Variants in MYO16 observed in about 807,000 individuals in gnomAD.
MYO16 encodes the protein unconventional myosin-XVI.
In MYO16, 94 loss-of-function variants were observed where a neutral mutation model predicts 205.3. That is an observed-to-expected ratio of 0.46 (90% confidence interval 0.39 to 0.54). The LOEUF (loss-of-function observed/expected upper bound fraction) is 0.54. Ranked by LOEUF, MYO16 falls within the 20% of genes least tolerant of loss-of-function variation. The probability of loss-of-function intolerance (pLI) is 0.00; values close to 1 mark genes in which losing one functional copy is unlikely to be tolerated. For missense variants in MYO16, 2,315 were observed against 2,387.5 expected (o/e 0.97, Z 0.63); for synonymous variants, 988 against 954.0 (o/e 1.04, Z -0.66).
intron 1 of MYO16, among the ~76,000 whole-genome samples, chr13:108,635,955 T>C (rs955399808): frequency 1.3e-5 from 2 of 152,016 alleles, no homozygotes; most frequent in Non-Finnish European, 2.9e-5. Context: ...ATTAGTTTTC[T>C]ACATCTTAAT....
the MYO16 span, among the ~76,000 whole-genome samples, chr13:108,565,312 A>G: frequency 1.3e-5 from 2 of 152,188 alleles, no homozygotes; most frequent in Non-Finnish European, 2.9e-5. Context: ...CAATCCATGA[A>G]CATGGAATAT....
intron 12 of MYO16, among the ~76,000 whole-genome samples, chr13:108,871,720 G>A (rs191321943): frequency 5.5e-4 from 84 of 152,244 alleles, no homozygotes; most frequent in South Asian, 2.9e-3. Context: ...CTGAGTGTGA[G>A]ACACTTAGGG....
chr13:108,767,657 T>C (rs1172003825), intron 4 of MYO16, among the ~76,000 whole-genome samples: 1 of 152,170 alleles, frequency 6.6e-6, no homozygotes, highest in African/African-American at 2.4e-5. Flanking sequence ...ACATTGATGG[T>C]AAGAGTGAAG....
intron 9 of MYO16, among the ~76,000 whole-genome samples, chr13:108,835,449 G>A (rs763970677): frequency 4.6e-5 from 7 of 152,128 alleles, no homozygotes; most frequent in African/African-American, 9.7e-5. Context: ...TCTCAGGTAC[G>A]TCCTTATAGC....
chr13:109,081,760 G>A (rs1044059110), intron 27 of MYO16, among the ~76,000 whole-genome samples: 2 of 152,128 alleles, frequency 1.3e-5, no homozygotes, highest in African/African-American at 2.4e-5. Flanking sequence ...TGGAAAAGAC[G>A]AGAAAATGAG....
intron 11 of MYO16, among the ~76,000 whole-genome samples, chr13:108,856,261 T>C (rs992832562): frequency 3.9e-5 from 6 of 152,202 alleles, no homozygotes; most frequent in African/African-American, 1.2e-4. Context: ...AGTAATTCAA[T>C]CAGAATGTCT....
intron 3 of MYO16, among the ~76,000 whole-genome samples, chr13:108,720,871 T>C (rs1273174953): frequency 6.6e-6 from 1 of 152,210 alleles, no homozygotes; most frequent in African/African-American, 2.4e-5. Context: ...TGATGTGTGA[T>C]TTGTAAATAT....
chr13:108,567,023 A>G, the MYO16 span, among the ~76,000 whole-genome samples: 45 of 152,328 alleles, frequency 3.0e-4, 1 homozygote, highest in African/African-American at 9.9e-4. Context: ...ATGTCAAAAG[A>G]TTGAATATAA....
At chr13:108,622,905 C>T (rs1348704781) in intron 1 of MYO16, among the ~76,000 whole-genome samples, 2 of 152,042 alleles carry the variant, frequency 1.3e-5, no homozygotes, top group Non-Finnish European at 2.9e-5. Flanking sequence ...GGAATTGTAA[C>T]ACAGGAGAGG....
At chr13:108,944,204 T>C (rs1882847347) in intron 16 of MYO16, among the ~76,000 whole-genome samples, 1 of 149,556 alleles carries the variant, frequency 6.7e-6, no homozygotes, top group African/African-American at 2.5e-5. Context: ...TTCTGGGAGA[T>C]AAAAAAAAAA....
chr13:109,116,578 C>A (rs277855), intron 28 of MYO16, among the ~76,000 whole-genome samples: 30,341 of 152,156 alleles, frequency 0.2, 3,710 homozygotes, highest in East Asian at 0.58. Context: ...CAAGAACTTC[C>A]TGAAGTATCT....
intron 13 of MYO16, 124 bp from the exon 14 acceptor site, chr13:108,888,248 G>T: frequency 1.6e-6 from 1 of 613,330 alleles, no homozygotes; most frequent in Non-Finnish European, 2.8e-6. Context: ...TCATTTCTGT[G>T]TCTGAGAAAT....
intron 23 of MYO16, among the ~76,000 whole-genome samples, chr13:109,039,736 G>A (rs931929230): frequency 1.2e-4 from 19 of 152,178 alleles, no homozygotes; most frequent in African/African-American, 1.9e-4. Flanking sequence ...AAATGCGTAC[G>A]TTAGAAAATA....
chr13:109,165,054 C>T lies in MYO16; in HGVS notation c.5318C>T (p.Ser1773Leu). 3 of 1,592,326 alleles carry T rather than the reference C, an allele frequency of 1.9e-6. No individual in the cohort carries two copies. Among genetic ancestry groups the T allele is most frequent in the Non-Finnish European group, 8.5e-7 (1 of 1,171,536 alleles). ...AITAENGNSI[S>L]NGLPEEDGYS... ...ACTGCTGAAAATGGAAATTCCATCT[C>T]AAATGGTAAGCACTTTTTAAACTCA... Residue 1773 changes from serine (S) to leucine (L), a missense_variant, in exon 33 of 35, where the codon TCA becomes TTA. Physicochemically the swap from Ser to Leu is moderately radical, Grantham distance 145 (BLOSUM62 -2). Around this residue, in one of 3 missense-constraint regions of MYO16, gnomAD observed 1,097 missense variants for 1,092.0 expected, o/e 1.00. Coordinates refer to ENST00000457511, the MANE Select transcript of MYO16 (RefSeq NM_001198950.3).
intron 21 of MYO16, among the ~76,000 whole-genome samples, chr13:109,005,386 G>C (rs1262003192): frequency 6.6e-6 from 1 of 152,122 alleles, no homozygotes; most frequent in Non-Finnish European, 1.5e-5. Flanking sequence ...TGGTAGTCAT[G>C]GAGCACCATT....
intron 2 of MYO16, among the ~76,000 whole-genome samples, chr13:108,705,292 C>G (rs1883466678): frequency 6.6e-6 from 1 of 152,168 alleles, no homozygotes; most frequent in Non-Finnish European, 1.5e-5. Flanking sequence ...TTGACATCAT[C>G]ATGGCTCAGT....
upstream of MYO16, among the ~76,000 whole-genome samples, chr13:108,626,671 G>T (rs1181235128): frequency 1.3e-5 from 2 of 151,860 alleles, no homozygotes; most frequent in Non-Finnish European, 2.9e-5. Flanking sequence ...GGGCATGGTA[G>T]TGGGTGCCTG....
At chr13:109,175,762 T>G (rs1372983772) in intron 33 of MYO16, among the ~76,000 whole-genome samples, 1 of 151,380 alleles carries the variant, frequency 6.6e-6, no homozygotes, top group Non-Finnish European at 1.5e-5. Flanking sequence ...TCAGACAGAA[T>G]TCCACCTTTT....
intron 27 of MYO16, among the ~76,000 whole-genome samples, chr13:109,095,268 G>T (rs543503772): frequency 6.6e-6 from 1 of 152,330 alleles, no homozygotes; most frequent in East Asian, 1.9e-4. Context: ...GTGTGTCTTG[G>T]ATGACAGACG....
Sources: allele counts gnomAD v4.1 joint callset (sites outside exome capture counted in the v4.1 genomes callset), GRCh38; gene constraint gnomAD v4.1.1; regional missense constraint gnomAD v4.1.1; transcripts MANE v1.5; gene names NCBI Gene and HGNC (gene_info 2026-07-23, HGNC 2026-07-21).